SRPK2: variants seen among roughly 807,000 people sequenced by gnomAD.
SRPK2 encodes the protein SRSF protein kinase 2.
Under a neutral mutation model 90.8 loss-of-function variants are expected in SRPK2, and 21 were observed. The observed-to-expected ratio is 0.23, with a 90% CI of 0.16 to 0.33. SRPK2 has a LOEUF of 0.33. Among genes scored for constraint, SRPK2 ranks in the 10% least tolerant of loss-of-function variants. The pLI, the probability that SRPK2 is intolerant of heterozygous loss-of-function variation, is 1.00. For synonymous variants in SRPK2, 288 were observed against 311.1 expected (o/e 0.93, Z 0.78); for missense variants, 620 against 869.0 (o/e 0.71, Z 3.60).
At chr7:105,385,938 A>G (rs1266304809) in intron 2 of SRPK2, among the ~76,000 whole-genome samples, 1 of 152,046 alleles carries the variant, frequency 6.6e-6, no homozygotes, top group Admixed American at 6.6e-5. Flanking sequence ...CCTTAGCCCT[A>G]TCTGAAATTA....
At chr7:105,394,553 A>G (rs189862715) in intron 1 of SRPK2, among the ~76,000 whole-genome samples, 1 of 152,350 alleles carries the variant, frequency 6.6e-6, no homozygotes, top group Non-Finnish European at 1.5e-5. Context: ...AGTGATAACA[A>G]CATGTACTAA....
chr7:105,154,085 G>A (rs776232249), intron 7 of SRPK2, among the ~76,000 whole-genome samples: 10 of 152,192 alleles, frequency 6.6e-5, no homozygotes, highest in Non-Finnish European at 1.0e-4. Context: ...AGGGGACGGC[G>A]TCCTTACCCA....
At chr7:105,244,964 A>T (rs756948638) in intron 2 of SRPK2, 40 of 1,402,388 alleles carry the variant, frequency 2.9e-5, no homozygotes, top group Non-Finnish European at 3.9e-5. Context: ...CTGCCAAGAA[A>T]GACTGAGCCC....
intron 7 of SRPK2, among the ~76,000 whole-genome samples, chr7:105,159,938 C>G (rs989287301): frequency 2.6e-5 from 4 of 152,036 alleles, no homozygotes; most frequent in African/African-American, 7.2e-5. Flanking sequence ...TTAACCTAAC[C>G]CAGTATGACA....
chr7:105,285,379 C>A (rs1370859505), intron 2 of SRPK2, among the ~76,000 whole-genome samples: 1 of 97,900 alleles, frequency 1.0e-5, no homozygotes, highest in African/African-American at 4.2e-5. Flanking sequence ...AGTGAGACCC[C>A]GTCTCCAAAA....
At chr7:105,183,589 C>A (rs1217284779) in intron 3 of SRPK2, among the ~76,000 whole-genome samples, 1 of 152,140 alleles carries the variant, frequency 6.6e-6, no homozygotes, top group Non-Finnish European at 1.5e-5. Flanking sequence ...TAGGTTCAAG[C>A]CATTATCCTG....
intron 3 of SRPK2, among the ~76,000 whole-genome samples, chr7:105,185,083 A>C (rs1173847280): frequency 6.6e-6 from 1 of 152,036 alleles, no homozygotes; most frequent in Non-Finnish European, 1.5e-5. Context: ...CTTTGGGCTC[A>C]TTTCTCGGTT....
At chr7:105,354,091 CA>C (rs1484421660) in intron 2 of SRPK2, among the ~76,000 whole-genome samples, 1 of 152,082 alleles carries the variant, frequency 6.6e-6, no homozygotes, top group African/African-American at 2.4e-5. Flanking sequence ...GAGGAGCAGC[CA>C]GTATGTATGT....
At chr7:105,312,639 A>T in intron 2 of SRPK2, among the ~76,000 whole-genome samples, 1 of 152,310 alleles carries the variant, frequency 6.6e-6, no homozygotes, top group East Asian at 1.9e-4. Context: ...AATATAATAA[A>T]ACCCAAACAT....
chr7:105,304,660 C>G (rs1043683379), intron 2 of SRPK2, among the ~76,000 whole-genome samples: 3 of 152,174 alleles, frequency 2.0e-5, no homozygotes, highest in Non-Finnish European at 4.4e-5. Context: ...TCCCATTAGA[C>G]AGTATCCCGA....
chr7:105,137,388 AG>A (rs1258037661), intron 11 of SRPK2, among the ~76,000 whole-genome samples: 4 of 152,268 alleles, frequency 2.6e-5, no homozygotes, highest in African/African-American at 4.8e-5. Flanking sequence ...AGGGTGGGTA[AG>A]GGGGAAGAAG....
At chr7:105,351,034 T>C (rs1226776496) in intron 2 of SRPK2, among the ~76,000 whole-genome samples, 1 of 152,176 alleles carries the variant, frequency 6.6e-6, no homozygotes, top group African/African-American at 2.4e-5. Context: ...TAATCCCCAA[T>C]GTGGGTATTA....
At position 105,374,358 on chromosome 7, in the gene SRPK2, T is replaced by C. The variant is rs559742563; in HGVS notation, c.71+14290A>G. ...TTAGTCCTACTCCTGCTGATTCTTC[T>C]TTAAAAGAGCTTTTCCAAAATTTAA... On this transcript the variant is annotated intron_variant, in intron 2 of 15. Coordinates refer to ENST00000393651, the MANE Select transcript of SRPK2 (RefSeq NM_182692.3). Among the ~76,000 whole-genome samples the C allele has an allele frequency of 8.5e-5, 13 of 152,368 alleles. No homozygotes were observed. In the South Asian group the frequency reaches 1.9e-3, roughly 22 times the overall value.
chr7:105,365,878 AC>A (rs1818990497), intron 2 of SRPK2, among the ~76,000 whole-genome samples: 1 of 150,064 alleles, frequency 6.7e-6, no homozygotes, highest in East Asian at 2.0e-4. Context: ...TTTTTTTTAG[AC>A]GGAGTCTCGC....
At chr7:105,286,388 T>C (rs1429794883) in intron 2 of SRPK2, among the ~76,000 whole-genome samples, 1 of 152,214 alleles carries the variant, frequency 6.6e-6, no homozygotes, top group South Asian at 2.1e-4. Context: ...TGCTAAGTGT[T>C]TGGAGGGTAA....
At chr7:105,292,719 T>C (rs140851055) in intron 2 of SRPK2, among the ~76,000 whole-genome samples, 1 of 152,284 alleles carries the variant, frequency 6.6e-6, no homozygotes, top group Non-Finnish European at 1.5e-5. Flanking sequence ...TATGTTGCCA[T>C]CTGTGTACCC....
chr7:105,205,891 C>A, intron 2 of SRPK2: 1 of 515,020 alleles, frequency 1.9e-6, no homozygotes, highest in Non-Finnish European at 3.9e-6. Context: ...CTTCCTAACT[C>A]AGAAACTTTA....
At chr7:105,368,782 G>A (rs972050263) in intron 2 of SRPK2, among the ~76,000 whole-genome samples, 1 of 151,774 alleles carries the variant, frequency 6.6e-6, no homozygotes, top group Non-Finnish European at 1.5e-5. Flanking sequence ...CTATTCAGGA[G>A]GCTGAAGCAT....
intron 2 of SRPK2, among the ~76,000 whole-genome samples, chr7:105,231,523 C>T (rs772499575): frequency 7.2e-5 from 11 of 152,190 alleles, no homozygotes; most frequent in Non-Finnish European, 1.5e-4. Flanking sequence ...CAAATTTATG[C>T]TCCCACCAAC....
Sources: allele counts gnomAD v4.1 joint callset (sites outside exome capture counted in the v4.1 genomes callset), GRCh38; gene constraint gnomAD v4.1.1; transcripts MANE v1.5; gene names NCBI Gene and HGNC (gene_info 2026-07-23, HGNC 2026-07-21).